The following RAD54B variants were observed in gnomAD, a reference collection of about 807,000 sequenced individuals.
The protein encoded by RAD54B is RAD54 homolog B, also known as DNA repair and recombination protein RAD54B.
RAD54B carries 78 observed loss-of-function variants against 95.8 expected under a neutral mutation model. That is an observed-to-expected ratio of 0.81 (90% confidence interval 0.68 to 0.98). The LOEUF (loss-of-function observed/expected upper bound fraction) is 0.98, where lower values mean the gene tolerates loss of function less well. Among genes scored for constraint, RAD54B ranks in the 50% least tolerant of loss-of-function variants. The pLI, the probability that RAD54B is intolerant of heterozygous loss-of-function variation, is 0.00. For missense variants in RAD54B, 957 were observed against 1,056.6 expected, an observed-to-expected ratio of 0.91 and a Z score of 1.31; for synonymous variants, 328 against 354.9, an observed-to-expected ratio of 0.92 and a Z score of 0.85.
chr8:94,436,960 T>A, intron 3 of RAD54B: 1 of 1,444,324 alleles, frequency 6.9e-7, no homozygotes, highest in Non-Finnish European at 9.1e-7. Flanking sequence ...AAGATCAGGC[T>A]TAACTAGGCT....
At chr8:94,379,631 A>G (rs912471280) in intron 12 of RAD54B, among the ~76,000 whole-genome samples, 7 of 152,232 alleles carry the variant, frequency 4.6e-5, no homozygotes, top group Admixed American at 2.0e-4. Flanking sequence ...GGGATCCCCC[A>G]ATGCACATAC....
At chr8:94,390,415 G>A (rs1031989042) in intron 10 of RAD54B, among the ~76,000 whole-genome samples, 28 of 151,296 alleles carry the variant, frequency 1.9e-4, no homozygotes, top group East Asian at 1.6e-3. Flanking sequence ...CAGGAGAATC[G>A]CTTGAACGTG....
At chr8:94,388,029 T>C (rs1313958170) in intron 10 of RAD54B, among the ~76,000 whole-genome samples, 1 of 152,220 alleles carries the variant, frequency 6.6e-6, no homozygotes, top group Non-Finnish European at 1.5e-5. Flanking sequence ...CCAGTGCAAA[T>C]TATACCTGAT....
At chr8:94,427,245 A>T (rs1429763011) in intron 3 of RAD54B, among the ~76,000 whole-genome samples, 1 of 151,952 alleles carries the variant, frequency 6.6e-6, no homozygotes, top group Non-Finnish European at 1.5e-5. Flanking sequence ...TTTTATTTTT[A>T]TTTTTATTTA....
At chr8:94,457,728 A>T (rs938540884) in intron 3 of RAD54B, among the ~76,000 whole-genome samples, 6 of 152,212 alleles carry the variant, frequency 3.9e-5, no homozygotes, top group African/African-American at 9.6e-5. Flanking sequence ...CATCTTAATT[A>T]TTTTTTTAGT....
chr8:94,428,211 A>C (rs919518792), intron 3 of RAD54B: 1 of 859,852 alleles, frequency 1.2e-6, no homozygotes, highest in East Asian at 1.2e-4. Flanking sequence ...TATCAAATGT[A>C]GTATATTTCT....
intron 11 of RAD54B, among the ~76,000 whole-genome samples, chr8:94,380,755 A>G (rs1168278837): frequency 6.6e-6 from 1 of 152,236 alleles, no homozygotes; most frequent in East Asian, 1.9e-4. Context: ...AGGAGTATAC[A>G]TAAGGTGATG....
At chr8:94,399,838 G>C (rs1417192423) in intron 7 of RAD54B, among the ~76,000 whole-genome samples, 1 of 152,158 alleles carries the variant, frequency 6.6e-6, no homozygotes, top group Non-Finnish European at 1.5e-5. Context: ...TCTAAGATCA[G>C]GGTGCTAGCA....
intron 3 of RAD54B, among the ~76,000 whole-genome samples, chr8:94,427,108 G>GA (rs1218226048): frequency 1.3e-5 from 2 of 151,558 alleles, no homozygotes; most frequent in East Asian, 3.9e-4. Flanking sequence ...AATGTTAGGG[G>GA]AAAAAAAACT....
At chr8:94,470,551 C>T (rs776942541) in intron 1 of RAD54B, among the ~76,000 whole-genome samples, 11 of 151,474 alleles carry the variant, frequency 7.3e-5, no homozygotes, top group Non-Finnish European at 1.6e-4. Context: ...GCCGAGATAG[C>T]GCCACTGCAC....
intron 5 of RAD54B, among the ~76,000 whole-genome samples, chr8:94,406,847 T>C (rs530422610): frequency 1.3e-5 from 2 of 152,074 alleles, no homozygotes; most frequent in South Asian, 4.1e-4. Context: ...GCCCAACCCA[T>C]AAAAGGCAAT....
At chr8:94,432,130 C>A (rs2130104545) in intron 3 of RAD54B, 1 of 1,519,290 alleles carries the variant, frequency 6.6e-7, no homozygotes, top group Non-Finnish European at 8.8e-7. Flanking sequence ...GAAAAAAAAA[C>A]TTAGAGACTG....
intron 3 of RAD54B, among the ~76,000 whole-genome samples, chr8:94,426,014 G>A (rs566516383): frequency 3.9e-5 from 6 of 152,118 alleles, no homozygotes; most frequent in Non-Finnish European, 8.8e-5. Flanking sequence ...GTACAGTGGC[G>A]TCATCAGGGC....
At chr8:94,385,971 A>G (rs1430006191) in intron 11 of RAD54B, among the ~76,000 whole-genome samples, 1 of 152,198 alleles carries the variant, frequency 6.6e-6, no homozygotes, top group Non-Finnish European at 1.5e-5. Flanking sequence ...CTAATGTGCT[A>G]AAGAATTTAG....
chr8:94,428,197 T>C, intron 3 of RAD54B: 1 of 849,516 alleles, frequency 1.2e-6, no homozygotes, highest in Non-Finnish European at 1.4e-6. Flanking sequence ...ATACTTAGTA[T>C]ATTTATCAAA....
intron 3 of RAD54B, among the ~76,000 whole-genome samples, chr8:94,443,838 T>C (rs1426361640): frequency 6.6e-6 from 1 of 152,034 alleles, no homozygotes; most frequent in Non-Finnish European, 1.5e-5. Context: ...AAACCTCTGA[T>C]TGAGTCACAT....
intron 3 of RAD54B, among the ~76,000 whole-genome samples, chr8:94,420,737 C>A (rs1811786417): frequency 6.6e-6 from 1 of 151,996 alleles, no homozygotes. Flanking sequence ...GTAATCCCAG[C>A]ACTTTGGGAG....
chr8:94,435,579 G>T (rs1812232873), intron 3 of RAD54B, among the ~76,000 whole-genome samples: 2 of 152,028 alleles, frequency 1.3e-5, no homozygotes, highest in Admixed American at 6.6e-5. Context: ...TTCAGAATAA[G>T]AATGTAGCTG....
Position 94,374,211 on chromosome 8 carries a change from G to A in RAD54B, c.2516-1824C>T, listed in dbSNP as rs768574069. Among the ~76,000 whole-genome samples the A allele has an allele frequency of 9.2e-5, 14 of 152,058 alleles. No homozygotes were observed. In the East Asian group the frequency reaches 1.5e-3, roughly 17 times the overall value. The stretch of plus-strand genomic sequence containing the variant: ...GGAGAATGGCGTTAACCCGGGAGGC[G>A]GAGCTGGCAGTGAGCCGAGATAGCG... On this transcript the variant is annotated intron_variant, in intron 14 of 14. Transcript: ENST00000336148.
Sources: allele counts gnomAD v4.1 joint callset (sites outside exome capture counted in the v4.1 genomes callset), GRCh38; gene constraint gnomAD v4.1.1; transcripts MANE v1.5; gene names NCBI Gene and HGNC (gene_info 2026-07-23, HGNC 2026-07-21).